The following RBM38 variants were observed in gnomAD, a reference collection of about 807,000 sequenced individuals.
RBM38 encodes the protein RNA binding motif protein 38, also known as RNA-binding protein 38.
Under a neutral mutation model 23.5 loss-of-function variants are expected in RBM38, and 11 were observed. The ratio of observed to expected loss-of-function variants is 0.47; its 90% CI spans 0.29 to 0.77. RBM38 has a LOEUF of 0.77. RBM38 is among the 30% of genes least tolerant of loss of function. The probability of loss-of-function intolerance (pLI) is 0.08; values close to 1 mark genes in which losing one functional copy is unlikely to be tolerated. For synonymous variants in RBM38, 165 were observed against 166.1 expected (o/e 0.99, Z 0.05); for missense variants, 330 against 351.9 (o/e 0.94, Z 0.50).
intron 1 of RBM38, chr20:57,392,143 G>T (rs900542185): frequency 8.2e-6 from 2 of 245,214 alleles, no homozygotes; most frequent in East Asian, 1.5e-4. Context: ...TGGAGCAGCG[G>T]GGGGTGAGGA....
intron 3 of RBM38, among the ~76,000 whole-genome samples, chr20:57,399,345 G>T (rs1193341104): frequency 6.6e-6 from 1 of 152,194 alleles, no homozygotes; most frequent in Non-Finnish European, 1.5e-5. Flanking sequence ...ACTGCCGAGG[G>T]TATTGTGGTG....
At chr20:57,401,733 C>T (rs1327589327) in intron 3 of RBM38, among the ~76,000 whole-genome samples, 1 of 152,138 alleles carries the variant, frequency 6.6e-6, no homozygotes, top group Non-Finnish European at 1.5e-5. Context: ...GTGCGAAGGT[C>T]CTGTGGTGGG....
rs1346158209 is a variant in RBM38 at position 57,391,692 on chromosome 20, C to T, written c.111C>T (p.Phe37=). 19 of 1,517,138 alleles carry T rather than the reference C, an allele frequency of 1.3e-5. No individual in the cohort carries two copies. The highest frequency in any genetic ancestry group is 1.7e-5 in the Non-Finnish European group (19 of 1,130,128). The allele number at this position is 1,517,138 out of a possible 1,614,324, so 94.0% of individuals were successfully genotyped here. The change falls in exon 1 of 4, where the codon TTC becomes TTT. Residue 37 remains phenylalanine, a synonymous_variant. Transcript: ENST00000356208. ...SQKDTTFTKI[F]VGGLPYHTTD... ...AGGACACCACGTTCACCAAGATCTTCGTGGGCGGCCTGCCGTACCACACTA... is the reference window on the plus strand; with the variant it reads ...AGGACACCACGTTCACCAAGATCTTTGTGGGCGGCCTGCCGTACCACACTA...
At chr20:57,392,265 A>T (rs930723781) in intron 1 of RBM38, 3 of 449,564 alleles carry the variant, frequency 6.7e-6, no homozygotes, top group African/African-American at 4.1e-5. Flanking sequence ...TCTTGAAGAC[A>T]CTTTCCTGCT....
In RBM38 at chr20:57,393,363, T is replaced by C. The variant is rs912450865; in HGVS notation, c.416+30T>C. On this transcript the variant is annotated intron_variant, in intron 3 of 3. Coordinates refer to ENST00000356208, the MANE Select transcript of RBM38 (RefSeq NM_017495.6). ...GTGGACATGGCTGGCTTGGGGTGGGTAGTCCGTGGAGATGAAGTGGAGAGG... is the reference window on the plus strand; with the variant it reads ...GTGGACATGGCTGGCTTGGGGTGGGCAGTCCGTGGAGATGAAGTGGAGAGG... 3 of 1,609,874 alleles carry C rather than the reference T, an allele frequency of 1.9e-6. No individual in the cohort carries two copies. The African/African-American group carries it at 4.0e-5, about 22-fold the overall frequency.
At chr20:57,394,515 C>T (rs536042101) in intron 3 of RBM38, among the ~76,000 whole-genome samples, 5 of 152,228 alleles carry the variant, frequency 3.3e-5, no homozygotes, top group Admixed American at 2.0e-4. Context: ...GGAGGGTGGC[C>T]GGGGCCCTTC....
At position 57,407,468 on chromosome 20, in the gene RBM38, C is replaced by T. The variant is rs530604843; in HGVS notation, c.417-75C>T. On this transcript the variant is annotated intron_variant, in intron 3 of 3. Coordinates refer to ENST00000356208, the MANE Select transcript of RBM38 (RefSeq NM_017495.6). The surrounding 1 kb of genome is among the most constrained non-coding windows in gnomAD (Gnocchi z 4.0). ...GCTCGGGGTGGGGGGCGGCACGCAT[C>T]GTGTACCCCACTGTTCTCCCAGCTG... 60 of 1,491,080 alleles carry T rather than the reference C, an allele frequency of 4.0e-5. 1 individual carries two copies. The highest frequency in any genetic ancestry group is 3.2e-4 in the South Asian group (26 of 80,222). 92.4% of individuals were successfully genotyped at this position (1,491,080 alleles called of 1,614,324 possible).
chr20:57,393,808 G>A (rs1439274045), intron 3 of RBM38, among the ~76,000 whole-genome samples: 1 of 152,204 alleles, frequency 6.6e-6, no homozygotes, highest in Non-Finnish European at 1.5e-5. Flanking sequence ...TGATGTTTGT[G>A]AACGTTGCTG....
chr20:57,407,981 C>A lies in RBM38; in HGVS notation c.*135C>A. The A allele has an allele frequency of 2.7e-6, 3 of 1,102,156 alleles. No homozygotes were observed. The highest frequency in any genetic ancestry group is 1.6e-5 in the African/African-American group (1 of 63,648). 68.3% of individuals were successfully genotyped at this position (1,102,156 alleles called of 1,614,324 possible). On this transcript the variant is annotated 3_prime_UTR_variant, in exon 4 of 4. Transcript: ENST00000356208. The surrounding 1 kb of genome is among the most constrained non-coding windows in gnomAD (Gnocchi z 4.0). ...AGCACCCGTGCCTCCGAAGACCGCT[C>A]GGGCATTCCGCCTGCGCCCTGGGAC...
intron 3 of RBM38, among the ~76,000 whole-genome samples, chr20:57,406,821 A>G (rs1037902835): frequency 6.6e-6 from 1 of 152,054 alleles, no homozygotes; most frequent in Non-Finnish European, 1.5e-5. Context: ...GTGAAACCTC[A>G]TCTCTACTAA....
At chr20:57,402,036 C>T (rs909253438) in intron 3 of RBM38, among the ~76,000 whole-genome samples, 2 of 152,170 alleles carry the variant, frequency 1.3e-5, no homozygotes, top group Non-Finnish European at 1.5e-5. Flanking sequence ...CAGCCTCCGC[C>T]TCCCGGGTTC....
intron 3 of RBM38, among the ~76,000 whole-genome samples, chr20:57,401,078 C>T (rs778406101): frequency 1.4e-4 from 21 of 151,860 alleles, no homozygotes; most frequent in Non-Finnish European, 2.8e-4. Flanking sequence ...TACCTGACTG[C>T]GCCTGGCCGC....
chr20:57,405,071 C>G (rs900330704), intron 3 of RBM38, among the ~76,000 whole-genome samples: 2 of 152,232 alleles, frequency 1.3e-5, no homozygotes, highest in African/African-American at 4.8e-5. Context: ...ATGCTGCTCC[C>G]CTGTGGCCAG....
intron 3 of RBM38, among the ~76,000 whole-genome samples, chr20:57,406,233 C>T (rs919411527): frequency 6.6e-6 from 1 of 152,224 alleles, no homozygotes; most frequent in Non-Finnish European, 1.5e-5. Flanking sequence ...GGCCACCGAG[C>T]AGCTGGTTGG....
At chr20:57,402,332 C>T (rs2067337003) in intron 3 of RBM38, among the ~76,000 whole-genome samples, 1 of 152,206 alleles carries the variant, frequency 6.6e-6, no homozygotes, top group Admixed American at 6.5e-5. Context: ...ACTGCGCCCG[C>T]CTGGAGAGTC....
At position 57,408,410 on chromosome 20, in the gene RBM38, G is replaced by A. The variant is rs952999589; in HGVS notation, c.*564G>A. The A allele has an allele frequency of 6.5e-6, 1 of 154,644 alleles. No homozygotes were observed. Among genetic ancestry groups the A allele is most frequent in the Non-Finnish European group, 1.4e-5 (1 of 69,486 alleles). 9.6% of individuals were successfully genotyped at this position (154,644 alleles called of 1,614,324 possible). A position where few individuals can be genotyped will look rare whatever the true frequency, so the allele number is the denominator to read the frequency against. ...CGTGGGCGGCTTCCTCAAGCCCGGA[G>A]GAGCTCCCAGGCGCACAGGGGCCGC... On this transcript the variant is annotated 3_prime_UTR_variant, in exon 4 of 4. Transcript: ENST00000356208.
chr20:57,392,417 A>G, intron 1 of RBM38: 4 of 1,526,242 alleles, frequency 2.6e-6, no homozygotes, highest in Non-Finnish European at 3.5e-6. Flanking sequence ...TTGTCCTTGA[A>G]GGCCACATTT....
Position 57,406,993 on chromosome 20 carries a change from C to CAA in RBM38, c.417-534_417-533dup, listed in dbSNP as rs573363075. ...TGGGGAACAGAGCGAGACTCTGTCT[C>CAA]AAAAAAAAAAAAAAAAACAAACCCT... On this transcript the variant is annotated intron_variant, in intron 3 of 3. Coordinates refer to ENST00000356208, the MANE Select transcript of RBM38 (RefSeq NM_017495.6). Among the ~76,000 whole-genome samples, 530 of 76,052 alleles carry CAA rather than the reference C, an allele frequency of 7.0e-3. 4 individuals carry two copies. Among genetic ancestry groups the CAA allele is most frequent in the African/African-American group, 0.018 (461 of 24,982 alleles). 49.9% of individuals were successfully genotyped at this position (76,052 alleles called of 152,430 possible).
Position 57,407,158 on chromosome 20 carries a change from C to T in RBM38, c.417-385C>T, listed in dbSNP as rs891947583. Among the ~76,000 whole-genome samples the T allele has an allele frequency of 4.6e-5, 7 of 152,188 alleles. No homozygotes were observed. The highest frequency in any genetic ancestry group is 3.9e-4 in the Admixed American group (6 of 15,284). On this transcript the variant is annotated intron_variant, in intron 3 of 3. Transcript: ENST00000356208. This position sits in a 1 kb window ranked among gnomAD's most constrained non-coding sequence, Gnocchi z 4.0. Reference sequence around the variant, plus strand: ...CTCCCAGACATGCAACCAGGACATTCGTACCGGGCCCTGCTCTTGATCGCA... The same window carrying T: ...CTCCCAGACATGCAACCAGGACATTTGTACCGGGCCCTGCTCTTGATCGCA...
Sources: gnomAD v4.1 joint callset for allele counts (sites outside exome capture counted in the v4.1 genomes callset) on GRCh38, gnomAD v4.1.1 for gene constraint, Gnocchi (gnomAD v3.1) non-coding constraint, MANE v1.5 for transcripts, NCBI Gene and HGNC (gene_info 2026-07-23, HGNC 2026-07-21) for gene names.